The following PDZRN3 variants were observed in gnomAD, a reference collection of about 807,000 sequenced individuals.
PDZRN3 encodes the protein PDZ domain containing ring finger 3.
In PDZRN3, 38 loss-of-function variants were observed where a neutral mutation model predicts 85.7. That is an observed-to-expected ratio of 0.44 (90% CI 0.34 to 0.58). The LOEUF is 0.58. Ranked by LOEUF, PDZRN3 falls within the 20% of genes least tolerant of loss-of-function variation. The pLI, the probability that PDZRN3 is intolerant of heterozygous loss-of-function variation, is 0.01. For synonymous variants in PDZRN3, 759 were observed against 638.0 expected (o/e 1.19, Z -2.86); for missense variants, 1,629 against 1,506.4 (o/e 1.08, Z -1.35).
At chr3:73,462,487 G>A (rs1034148934) in intron 3 of PDZRN3, among the ~76,000 whole-genome samples, 1 of 145,738 alleles carries the variant, frequency 6.9e-6, no homozygotes, top group Non-Finnish European at 1.5e-5. Context: ...AGAGCTTGCC[G>A]TGAGTGAGAT....
At chr3:73,580,807 AT>A (rs1702190015) in intron 3 of PDZRN3, among the ~76,000 whole-genome samples, 1 of 152,194 alleles carries the variant, frequency 6.6e-6, no homozygotes, top group Non-Finnish European at 1.5e-5. Context: ...CTCTCTGGAC[AT>A]CTGTGGCTGA....
chr3:73,491,240 A>G (rs72886016), intron 3 of PDZRN3, among the ~76,000 whole-genome samples: 5,130 of 152,174 alleles, frequency 0.034, 275 homozygotes, highest in African/African-American at 0.12. Flanking sequence ...GTCATTCCCT[A>G]CTTCAGGGAG....
intron 3 of PDZRN3, among the ~76,000 whole-genome samples, chr3:73,458,405 G>A (rs989668193): frequency 6.6e-6 from 1 of 151,632 alleles, no homozygotes; most frequent in Non-Finnish European, 1.5e-5. Flanking sequence ...TTATCTTACA[G>A]GGTCAGGTAA....
chr3:73,621,589 T>C (rs1429341008), intron 1 of PDZRN3: 1 of 152,098 alleles, frequency 6.6e-6, no homozygotes, highest in Non-Finnish European at 1.5e-5. Context: ...AAGCGTTCAG[T>C]AAGGGCCACT....
intron 3 of PDZRN3, among the ~76,000 whole-genome samples, chr3:73,471,679 G>A (rs1021775643): frequency 2.0e-5 from 3 of 152,198 alleles, no homozygotes; most frequent in Non-Finnish European, 4.4e-5. Context: ...CTCCCTTGCT[G>A]TCTGTCACTG....
At chr3:73,506,801 G>C (rs1319517178) in intron 3 of PDZRN3, among the ~76,000 whole-genome samples, 1 of 151,962 alleles carries the variant, frequency 6.6e-6, no homozygotes, top group Non-Finnish European at 1.5e-5. Flanking sequence ...AGTACTTAGG[G>C]AGGTTGACGC....
intron 3 of PDZRN3, among the ~76,000 whole-genome samples, chr3:73,462,927 G>C (rs2106869367): frequency 6.6e-6 from 1 of 152,302 alleles, no homozygotes; most frequent in African/African-American, 2.4e-5. Flanking sequence ...TTCACAGCCA[G>C]GTCTGTCTTG....
intron 5 of PDZRN3, among the ~76,000 whole-genome samples, chr3:73,395,303 T>C (rs376300652): frequency 6.6e-4 from 100 of 152,362 alleles, no homozygotes; most frequent in Middle Eastern, 3.4e-3. Context: ...GTTATCAATA[T>C]GTTATCTGTC....
intron 3 of PDZRN3, chr3:73,433,876 C>T (rs1221876511): frequency 7.0e-7 from 1 of 1,431,518 alleles, no homozygotes; most frequent in African/African-American, 1.4e-5. Context: ...ACTCTCTCCC[C>T]CCTTCCACGC....
chr3:73,406,870 A>AC (rs1292454794), intron 3 of PDZRN3, among the ~76,000 whole-genome samples: 1 of 152,192 alleles, frequency 6.6e-6, no homozygotes, highest in Non-Finnish European at 1.5e-5. Flanking sequence ...CCAGAAAGGA[A>AC]CCTATGAGTT....
chr3:73,393,013 C>T (rs1438428159), intron 5 of PDZRN3, among the ~76,000 whole-genome samples: 1 of 152,118 alleles, frequency 6.6e-6, no homozygotes, highest in Non-Finnish European at 1.5e-5. Context: ...TTAGGGTACA[C>T]TTCATTTGAA....
At chr3:73,551,376 T>C (rs969570333) in intron 3 of PDZRN3, among the ~76,000 whole-genome samples, 6 of 152,160 alleles carry the variant, frequency 3.9e-5, no homozygotes, top group Non-Finnish European at 7.4e-5. Context: ...TTAATGTTCC[T>C]TTTGCATCAT....
At chr3:73,389,771 T>TA in intron 7 of PDZRN3, 45 bp downstream of exon 7, 1 of 1,361,098 alleles carries the variant, frequency 7.3e-7, no homozygotes, top group Non-Finnish European at 1.1e-6. Context: ...GTTTGTTCTT[T>TA]AGTGATAGGC....
In PDZRN3 at chr3:73,398,094, C is replaced by T. The variant is rs1701676384; in HGVS notation, c.1254+2828G>A. Among the ~76,000 whole-genome samples, 3 of 151,716 alleles carry T rather than the reference C, an allele frequency of 2.0e-5. No homozygotes were observed. In the South Asian group the frequency reaches 6.2e-4, roughly 31 times the overall value. ...CACGAATATAAAGTCTGATGGCATC[C>T]AAGGTCTAGCTTAAAATATTAATAC... is the stretch of plus-strand genomic sequence containing the variant. On this transcript the variant is annotated intron_variant, in intron 5 of 9. Coordinates refer to ENST00000263666, the MANE Select transcript of PDZRN3 (RefSeq NM_015009.3).
At chr3:73,477,739 C>T (rs1351875470) in intron 3 of PDZRN3, among the ~76,000 whole-genome samples, 1 of 152,168 alleles carries the variant, frequency 6.6e-6, no homozygotes, top group Non-Finnish European at 1.5e-5. Context: ...CATTCTCACA[C>T]TGCTCTAAGA....
At chr3:73,588,390 T>C (rs1184693307) in intron 3 of PDZRN3, among the ~76,000 whole-genome samples, 1 of 152,166 alleles carries the variant, frequency 6.6e-6, no homozygotes, top group Non-Finnish European at 1.5e-5. Context: ...TAACACCACT[T>C]TTAAAAATAA....
intron 5 of PDZRN3, among the ~76,000 whole-genome samples, chr3:73,391,927 T>A (rs1701536930): frequency 1.3e-5 from 2 of 152,168 alleles, no homozygotes; most frequent in South Asian, 2.1e-4. Context: ...CTCCGGTAGA[T>A]CCTTTGGTCT....
intron 3 of PDZRN3, among the ~76,000 whole-genome samples, chr3:73,560,116 C>T (rs80157775): frequency 4.6e-5 from 7 of 152,170 alleles, no homozygotes; most frequent in South Asian, 2.1e-4. Flanking sequence ...TCTGTAGGTA[C>T]GAACATGACT....
rs1194683175 is a variant in PDZRN3 at position 73,624,485 on chromosome 3, T to C, written c.341A>G (p.His114Arg). Residue 114 changes from histidine to arginine, a missense_variant, in exon 1 of 10, where the codon CAC becomes CGC. Transcript: ENST00000263666. ...RCDFAPARCR[H>R]AGCGQVLLRR... ...CAGCAGCACCTGGCCGCAACCCGCGTGGCGACAGCGCGCGGGCGCGAAGTC... is the reference window on the plus strand; with the variant it reads ...CAGCAGCACCTGGCCGCAACCCGCGCGGCGACAGCGCGCGGGCGCGAAGTC... 16 of 1,406,244 alleles carry C rather than the reference T, an allele frequency of 1.1e-5. 1 individual carries two copies. The Admixed American group carries it at 1.4e-4, about 12-fold the overall frequency. 87.1% of individuals were successfully genotyped at this position (1,406,244 alleles called of 1,614,324 possible).
Sources: gnomAD v4.1 joint callset for allele counts (sites outside exome capture counted in the v4.1 genomes callset) on GRCh38, gnomAD v4.1.1 for gene constraint, MANE v1.5 for transcripts, NCBI Gene and HGNC (gene_info 2026-07-23, HGNC 2026-07-21) for gene names.